The following PDE3A variants were observed in gnomAD, a reference collection of about 807,000 sequenced individuals.
PDE3A encodes the protein phosphodiesterase 3A.
Under a neutral mutation model 98.3 loss-of-function variants are expected in PDE3A, and 43 were observed. The observed-to-expected ratio is 0.44, with a 90% confidence interval of 0.34 to 0.56. The LOEUF (loss-of-function observed/expected upper bound fraction) is 0.56. Ranked by LOEUF, PDE3A falls within the 20% of genes least tolerant of loss-of-function variation. The probability of loss-of-function intolerance (pLI) is 0.01; values close to 1 mark genes in which losing one functional copy is unlikely to be tolerated. For missense variants in PDE3A, 1,427 were observed against 1,440.7 expected, an observed-to-expected ratio of 0.99 and a Z score of 0.15; for synonymous variants, 663 against 567.9, an observed-to-expected ratio of 1.17 and a Z score of -2.38.
intron 1 of PDE3A, among the ~76,000 whole-genome samples, chr12:20,465,556 C>A (rs952871586): frequency 2.6e-5 from 4 of 151,868 alleles, no homozygotes; most frequent in African/African-American, 4.8e-5. Flanking sequence ...ACTACAGGTG[C>A]GCGCCACTGT....
At chr12:20,415,293 A>C (rs1944404065) in intron 1 of PDE3A, among the ~76,000 whole-genome samples, 2 of 152,098 alleles carry the variant, frequency 1.3e-5, no homozygotes, top group Non-Finnish European at 2.9e-5. Context: ...ACAATCTATC[A>C]GCTTTTCCCT....
At chr12:20,575,783 T>G (rs141442966) in intron 2 of PDE3A, among the ~76,000 whole-genome samples, 16 of 152,100 alleles carry the variant, frequency 1.1e-4, no homozygotes, top group African/African-American at 3.9e-4. Flanking sequence ...AGCTCAAAGT[T>G]CTTGATTTAA....
At chr12:20,375,367 A>G (rs999589896) in intron 1 of PDE3A, among the ~76,000 whole-genome samples, 8 of 151,872 alleles carry the variant, frequency 5.3e-5, no homozygotes, top group Non-Finnish European at 1.0e-4. Context: ...TTTTTTTAGT[A>G]AGGCTACTAT....
chr12:20,512,355 G>A lies in PDE3A; in HGVS notation c.961-44305G>A, dbSNP rs113184831. ...ATTTTGTTTAAAAAACAAAAAATCC[G>A]CTCTGCAAATTATACACTCTTTAAT... is the stretch of plus-strand genomic sequence containing the variant. On this transcript the variant is annotated intron_variant, in intron 1 of 15. Coordinates refer to ENST00000359062, the MANE Select transcript of PDE3A (RefSeq NM_000921.5). Among the ~76,000 whole-genome samples the A allele has an allele frequency of 5.9e-5, 9 of 152,080 alleles. No homozygotes were observed. In the South Asian group the frequency reaches 1.5e-3, roughly 25 times the overall value.
intron 1 of PDE3A, among the ~76,000 whole-genome samples, chr12:20,374,074 T>A (rs1444029371): frequency 6.6e-6 from 1 of 152,148 alleles, no homozygotes; most frequent in Non-Finnish European, 1.5e-5. Context: ...CAGTTTATGG[T>A]GATTCAAAGA....
chr12:20,479,644 T>G (rs1211720592), intron 1 of PDE3A, among the ~76,000 whole-genome samples: 1 of 152,192 alleles, frequency 6.6e-6, no homozygotes, highest in Non-Finnish European at 1.5e-5. Flanking sequence ...TGGTCAAACA[T>G]GAGCACATTT....
chr12:20,609,944 A>AC (rs1405682669), intron 2 of PDE3A, among the ~76,000 whole-genome samples: 10 of 151,626 alleles, frequency 6.6e-5, no homozygotes, highest in African/African-American at 1.9e-4. Context: ...CGTGAAACTT[A>AC]TAGAAGAGAA....
At position 20,385,992 on chromosome 12, in the gene PDE3A, TAAA is replaced by T. The variant is rs1180426440; in HGVS notation, c.960+15750_960+15752del. On this transcript the variant is annotated intron_variant, in intron 1 of 15. Coordinates refer to ENST00000359062, the MANE Select transcript of PDE3A (RefSeq NM_000921.5). Reference sequence around the variant, plus strand: ...ATTAATTATTAATATATAATATATATAAAATATATATATAAATATATATAAAAT... The same window carrying T: ...ATTAATTATTAATATATAATATATATATATATATATAAATATATATAAAAT... 1.8e-3 allele frequency among the ~76,000 whole-genome samples: 189 copies of T among 102,912 alleles called. 1 individual carries two copies. Among genetic ancestry groups the T allele is most frequent in the African/African-American group, 8.5e-3 (181 of 21,254 alleles). The allele number at this position is 102,912 out of a possible 152,430, so 67.5% of individuals were successfully genotyped here.
chr12:20,437,364 G>A (rs1318235542), intron 1 of PDE3A, among the ~76,000 whole-genome samples: 1 of 152,028 alleles, frequency 6.6e-6, no homozygotes, highest in Non-Finnish European at 1.5e-5. Context: ...AGTATTATGG[G>A]TTAGGCCATT....
At chr12:20,675,587 G>A (rs1403273573) in intron 15 of PDE3A, among the ~76,000 whole-genome samples, 1 of 152,212 alleles carries the variant, frequency 6.6e-6, no homozygotes, top group East Asian at 1.9e-4. Flanking sequence ...ATATCTGGGT[G>A]TGATACTGCT....
intron 1 of PDE3A, among the ~76,000 whole-genome samples, chr12:20,532,740 G>C (rs1490450360): frequency 6.7e-6 from 1 of 148,900 alleles, no homozygotes; most frequent in African/African-American, 2.5e-5. Flanking sequence ...CCAGGCTGGA[G>C]TGCAGTGGCG....
chr12:20,655,555 A>G (rs908536834), intron 15 of PDE3A, among the ~76,000 whole-genome samples: 2 of 152,160 alleles, frequency 1.3e-5, no homozygotes, highest in Non-Finnish European at 2.9e-5. Context: ...ATCACTAGAG[A>G]CAGAAACTAA....
intron 1 of PDE3A, among the ~76,000 whole-genome samples, chr12:20,389,214 C>G (rs554540837): frequency 2.9e-4 from 44 of 152,056 alleles, no homozygotes; most frequent in African/African-American, 1.0e-3. Context: ...TTTCCTTTCT[C>G]TCTCTCTCTT....
chr12:20,621,550 AT>A (rs1242294491), intron 5 of PDE3A, 139 bp downstream of exon 5: 2 of 568,382 alleles, frequency 3.5e-6, no homozygotes, highest in Non-Finnish European at 6.3e-6. Context: ...CCAATTAGTT[AT>A]TTTTTAGAAG....
intron 1 of PDE3A, among the ~76,000 whole-genome samples, chr12:20,533,067 A>G (rs995925584): frequency 6.6e-6 from 1 of 152,230 alleles, no homozygotes; most frequent in African/African-American, 2.4e-5. Context: ...ACATAATACA[A>G]TTATGGTAGT....
chr12:20,664,744 C>A (rs535968665), intron 15 of PDE3A, among the ~76,000 whole-genome samples: 42 of 152,248 alleles, frequency 2.8e-4, no homozygotes, highest in African/African-American at 9.9e-4. Context: ...GTTTGTGAGA[C>A]CTCCCCAGCC....
At chr12:20,393,706 A>C (rs1943960686) in intron 1 of PDE3A, among the ~76,000 whole-genome samples, 1 of 152,072 alleles carries the variant, frequency 6.6e-6, no homozygotes, top group South Asian at 2.1e-4. Context: ...TGATGCACTA[A>C]ATTCTGTGTA....
chr12:20,654,617 C>G (rs1025581305), intron 15 of PDE3A, among the ~76,000 whole-genome samples: 22 of 151,192 alleles, frequency 1.5e-4, no homozygotes, highest in Non-Finnish European at 2.9e-4. Flanking sequence ...CTGCCTCAGC[C>G]TCCTGAGTAG....
chr12:20,669,526 G>A (rs1592168043), intron 15 of PDE3A, among the ~76,000 whole-genome samples: 1 of 152,168 alleles, frequency 6.6e-6, no homozygotes, highest in East Asian at 1.9e-4. Context: ...CAAGCCAGAA[G>A]AGAGTGGGGG....
Sources: gnomAD v4.1 joint callset for allele counts (sites outside exome capture counted in the v4.1 genomes callset) on GRCh38, gnomAD v4.1.1 for gene constraint, MANE v1.5 for transcripts, NCBI Gene and HGNC (gene_info 2026-07-23, HGNC 2026-07-21) for gene names.